PCDH9: variants seen among roughly 807,000 people sequenced by gnomAD.
The protein encoded by PCDH9 is protocadherin-9.
In PCDH9, 24 loss-of-function variants were observed where a neutral mutation model predicts 70.6. The observed-to-expected ratio is 0.34, with a 90% CI of 0.25 to 0.48. PCDH9 has a LOEUF of 0.48. Ranked by LOEUF, PCDH9 falls within the 20% of genes least tolerant of loss-of-function variation. PCDH9 has a pLI of 0.99. For synonymous variants in PCDH9, 562 were observed against 558.5 expected (o/e 1.01, Z -0.09); for missense variants, 1,281 against 1,503.6 (o/e 0.85, Z 2.45).
chr13:66,930,739 C>T (rs1489221151), intron 2 of PCDH9, among the ~76,000 whole-genome samples: 1 of 151,890 alleles, frequency 6.6e-6, no homozygotes, highest in Non-Finnish European at 1.5e-5. Context: ...AGAAAAAAAA[C>T]AAGCAATAGC....
chr13:66,396,581 A>G (rs1417869073), intron 4 of PCDH9, among the ~76,000 whole-genome samples: 1 of 124,544 alleles, frequency 8.0e-6, no homozygotes, highest in East Asian at 2.4e-4. Context: ...TACGAAATAG[A>G]TAGACAGACA....
chr13:67,034,007 CAG>C (rs1258730645), intron 2 of PCDH9, among the ~76,000 whole-genome samples: 6 of 152,062 alleles, frequency 3.9e-5, no homozygotes, highest in Non-Finnish European at 8.8e-5. Flanking sequence ...TTTTTTGAGA[CAG>C]AGTCTTGCTC....
intron 4 of PCDH9, among the ~76,000 whole-genome samples, chr13:66,438,071 TA>T (rs1292024042): frequency 2.0e-5 from 3 of 151,930 alleles, no homozygotes; most frequent in African/African-American, 7.3e-5. Context: ...CCATCTCTAC[TA>T]AAAATACAAA....
Position 66,563,985 on chromosome 13 carries a change from G to A in PCDH9, c.3340+67225C>T, listed in dbSNP as rs1052809754. ...ACCACAGCCCTTTCGACAGAACATC[G>A]TCTATCATTACCCTTTGTATCCCCA... On this transcript the variant is annotated intron_variant, in intron 4 of 4. Coordinates refer to ENST00000377865, the MANE Select transcript of PCDH9 (RefSeq NM_203487.3). 5.3e-5 allele frequency among the ~76,000 whole-genome samples: 8 copies of A among 151,726 alleles called. No individual in the cohort carries two copies. The East Asian group carries it at 5.8e-4, about 11-fold the overall frequency.
intron 2 of PCDH9, among the ~76,000 whole-genome samples, chr13:67,133,790 G>A (rs1400249527): frequency 6.6e-6 from 1 of 152,014 alleles, no homozygotes; most frequent in Non-Finnish European, 1.5e-5. Flanking sequence ...GTTAAGGTTT[G>A]ACTCTTCATG....
At chr13:66,476,295 A>G (rs117467410) in intron 4 of PCDH9, among the ~76,000 whole-genome samples, 1 of 84,212 alleles carries the variant, frequency 1.2e-5, no homozygotes, top group African/African-American at 4.6e-5. Flanking sequence ...CTCCCTCAAC[A>G]GGAAAATTAC....
At chr13:67,048,316 C>A (rs2085261653) in intron 2 of PCDH9, among the ~76,000 whole-genome samples, 1 of 152,120 alleles carries the variant, frequency 6.6e-6, no homozygotes, top group Non-Finnish European at 1.5e-5. Flanking sequence ...AAGTGGTTTG[C>A]AAACACTGCA....
In PCDH9 at chr13:66,583,364, G is replaced by A. The variant is rs192358686; in HGVS notation, c.3340+47846C>T. ...ATGGTGGCTCACGCCTGTAATCCCAGCACTTCAGGAGGCTGAGGCAGGTGG... is the reference window on the plus strand; with the variant it reads ...ATGGTGGCTCACGCCTGTAATCCCAACACTTCAGGAGGCTGAGGCAGGTGG... On this transcript the variant is annotated intron_variant, in intron 4 of 4. Transcript: ENST00000377865. Among the ~76,000 whole-genome samples the A allele has an allele frequency of 8.5e-5, 13 of 152,178 alleles. No individual in the cohort carries two copies. In the East Asian group the frequency reaches 2.3e-3, roughly 27 times the overall value.
chr13:67,181,511 G>T (rs965658774), intron 2 of PCDH9, among the ~76,000 whole-genome samples: 2 of 152,122 alleles, frequency 1.3e-5, no homozygotes, highest in African/African-American at 4.8e-5. Context: ...AGCAGGGAAG[G>T]TTAAATTATT....
intron 3 of PCDH9, among the ~76,000 whole-genome samples, chr13:66,733,103 G>A (rs1273273888): frequency 6.6e-6 from 1 of 152,070 alleles, no homozygotes; most frequent in African/African-American, 2.4e-5. Context: ...CTGTGATGTA[G>A]ATCATTATCC....
At chr13:67,009,058 A>G (rs1347980176) in intron 2 of PCDH9, among the ~76,000 whole-genome samples, 1 of 152,100 alleles carries the variant, frequency 6.6e-6, no homozygotes, top group African/African-American at 2.4e-5. Flanking sequence ...ATTACCAAAC[A>G]TCTTCATTAT....
intron 4 of PCDH9, among the ~76,000 whole-genome samples, chr13:66,428,972 C>T (rs1406645514): frequency 6.6e-6 from 1 of 151,666 alleles, no homozygotes; most frequent in Non-Finnish European, 1.5e-5. Flanking sequence ...TGGTGTGTAA[C>T]AGGATCTTAG....
At chr13:66,667,697 C>T (rs2078115507) in intron 3 of PCDH9, among the ~76,000 whole-genome samples, 1 of 152,046 alleles carries the variant, frequency 6.6e-6, no homozygotes, top group South Asian at 2.1e-4. Context: ...AGGACTGCCA[C>T]CATTTTACTC....
At chr13:66,792,981 A>T (rs2080185757) in intron 3 of PCDH9, among the ~76,000 whole-genome samples, 1 of 152,176 alleles carries the variant, frequency 6.6e-6, no homozygotes, top group African/African-American at 2.4e-5. Context: ...CAAGGAGTGA[A>T]GAATATTTTC....
chr13:66,398,897 G>T (rs1267676553), intron 4 of PCDH9, among the ~76,000 whole-genome samples: 1 of 152,098 alleles, frequency 6.6e-6, no homozygotes, highest in Non-Finnish European at 1.5e-5. Context: ...TGTTGATTAT[G>T]CTACCAAGGG....
chr13:67,179,976 C>T (rs575953344), intron 2 of PCDH9, among the ~76,000 whole-genome samples: 1 of 152,132 alleles, frequency 6.6e-6, no homozygotes, highest in Non-Finnish European at 1.5e-5. Context: ...CAAGGTAACT[C>T]CAACCTAAAG....
intron 2 of PCDH9, among the ~76,000 whole-genome samples, chr13:67,106,466 A>G (rs1352550355): frequency 6.6e-6 from 1 of 152,232 alleles, no homozygotes; most frequent in Non-Finnish European, 1.5e-5. Flanking sequence ...GCAGGAGGTT[A>G]ATCATCAGTT....
chr13:66,600,253 A>G (rs73194764), intron 4 of PCDH9, among the ~76,000 whole-genome samples: 24,593 of 151,842 alleles, frequency 0.16, 2,167 homozygotes, highest in Middle Eastern at 0.23. Context: ...TCAACATCAA[A>G]TGTAAAAATT....
At chr13:66,891,223 A>C (rs759473858) in intron 3 of PCDH9, among the ~76,000 whole-genome samples, 3 of 152,040 alleles carry the variant, frequency 2.0e-5, no homozygotes, top group Non-Finnish European at 4.4e-5. Flanking sequence ...CTTGAATATA[A>C]ATTTGGCTGT....
Sources: gnomAD v4.1 joint callset for allele counts (sites outside exome capture counted in the v4.1 genomes callset) on GRCh38, gnomAD v4.1.1 for gene constraint, MANE v1.5 for transcripts, NCBI Gene and HGNC (gene_info 2026-07-23, HGNC 2026-07-21) for gene names.